Variants in PHC2 observed in about 807,000 individuals in gnomAD.
PHC2 encodes polyhomeotic homolog 2.
In PHC2, 29 loss-of-function variants were observed where a neutral mutation model predicts 87.4. The observed-to-expected ratio is 0.33, with a 90% CI of 0.25 to 0.45. PHC2 has a LOEUF of 0.45. Ranked by LOEUF, PHC2 falls within the 20% of genes least tolerant of loss-of-function variation. The pLI, the probability that PHC2 is intolerant of heterozygous loss-of-function variation, is 1.00. For missense variants in PHC2, 857 were observed against 1,136.7 expected, an observed-to-expected ratio of 0.75 and a Z score of 3.54; for synonymous variants, 438 against 461.7, an observed-to-expected ratio of 0.95 and a Z score of 0.66.
At chr1:33,325,059 C>A in intron 14 of PHC2, 40 bp from the exon 15 acceptor site, 1 of 1,558,308 alleles carries the variant, frequency 6.4e-7, no homozygotes. Context: ...ATCCAAGCCG[C>A]CAGTGTTCAC....
At chr1:33,415,613 A>G (rs1334720809) in intron 1 of PHC2, among the ~76,000 whole-genome samples, 2 of 152,256 alleles carry the variant, frequency 1.3e-5, no homozygotes, top group East Asian at 1.9e-4. Flanking sequence ...AGTCCCCCAT[A>G]AAAAATTACC....
At chr1:33,327,097 G>A (rs34874995) in intron 14 of PHC2, among the ~76,000 whole-genome samples, 1 of 152,104 alleles carries the variant, frequency 6.6e-6, no homozygotes, top group African/African-American at 2.4e-5. Flanking sequence ...TCACTCCCAG[G>A]CTTTGAGTCC....
chr1:33,345,661 T>C (rs1646832093), intron 9 of PHC2: 1 of 984,720 alleles, frequency 1.0e-6, no homozygotes, highest in African/African-American at 1.7e-5. Context: ...TTGACTATGA[T>C]AAAAGAGCCC....
rs182041956 is a variant in PHC2 at position 33,384,017 on chromosome 1, G to A, written c.-54-8424C>T. 2.0e-5 allele frequency among the ~76,000 whole-genome samples: 3 copies of A among 152,198 alleles called. No homozygotes were observed. The East Asian group carries it at 5.8e-4, about 29-fold the overall frequency. On this transcript the variant is annotated intron_variant, in intron 1 of 14. Coordinates refer to ENST00000683057, the MANE Select transcript of PHC2 (RefSeq NM_001385109.1). Reference sequence around the variant, plus strand: ...CCAGTTTGTGGTAATTTGTTAAGGCGGCCTTAGGGAACTATTATGCTGCCT... The same window carrying A: ...CCAGTTTGTGGTAATTTGTTAAGGCAGCCTTAGGGAACTATTATGCTGCCT...
At chr1:33,412,688 C>T (rs1650033033) in intron 1 of PHC2, among the ~76,000 whole-genome samples, 1 of 152,210 alleles carries the variant, frequency 6.6e-6, no homozygotes, top group South Asian at 2.1e-4. Context: ...GTGGCAAATT[C>T]TCAAGTTCGG....
chr1:33,370,590 T>C lies in PHC2; in HGVS notation c.412-5A>G, dbSNP rs2148325096. On this transcript the variant is annotated splice_polypyrimidine_tract_variant and splice_region_variant and intron_variant, in intron 4 of 14. Transcript: ENST00000683057. ...TGGGGAGGCTGCCAGGTTGATCTAA[T>C]GAGAGAGACATGTGCGGTAGGAGAT... 6.2e-7 allele frequency: 1 copy of C among 1,610,884 alleles called. No individual in the cohort carries two copies. The highest frequency in any genetic ancestry group is 1.7e-4 in the Middle Eastern group (1 of 6,046).
At chr1:33,381,055 C>T (rs1414010157) in intron 1 of PHC2, among the ~76,000 whole-genome samples, 1 of 152,156 alleles carries the variant, frequency 6.6e-6, no homozygotes, top group Non-Finnish European at 1.5e-5. Context: ...ATCTTCAAAA[C>T]AACTTGAGTC....
chr1:33,419,311 A>T (rs921549134), intron 1 of PHC2, among the ~76,000 whole-genome samples: 5 of 152,198 alleles, frequency 3.3e-5, no homozygotes, highest in Non-Finnish European at 7.3e-5. Flanking sequence ...CTGCCATAAA[A>T]ACGATGACAA....
rs11554674 is a variant in PHC2, at chr1:33,324,895, G to A, written c.2550C>T (p.Tyr850=). 0.23 allele frequency: 366,012 copies of A among 1,613,406 alleles called. 43,816 individuals are homozygous for A. The highest frequency in any genetic ancestry group is 0.27 in the South Asian group (24,784 of 90,956). ...AGTCCTTGAGCATGCTGATGCGGGC[G>A]TAGATCTTCAGGGCGGGCCCCAGCT... The part of the protein sequence containing the change: ...NIKLGPALKI[Y]ARISMLKDS Residue 850 remains tyrosine (Y), a synonymous_variant, in exon 15 of 15, where the codon TAC becomes TAT. Coordinates refer to ENST00000683057, the MANE Select transcript of PHC2 (RefSeq NM_001385109.1).
At chr1:33,371,997 G>T (rs982615950) in intron 3 of PHC2, among the ~76,000 whole-genome samples, 2 of 152,250 alleles carry the variant, frequency 1.3e-5, no homozygotes, top group Non-Finnish European at 2.9e-5. Flanking sequence ...CGCTTCCCTG[G>T]AACCCACAGT....
Position 33,367,153 on chromosome 1 carries a change from C to T in PHC2, c.939G>A (p.Thr313=), listed in dbSNP as rs776288305. The change falls in exon 7 of 15, where the codon ACG becomes ACA. Residue 313 remains threonine, a synonymous_variant. Transcript: ENST00000683057. ...SMEGRAGLSR[T]VPAVAAHPLI... is the part of the protein sequence containing the mutation. ...GGGGGTGGGCAGCCACAGCAGGAAC[C>T]GTCCGGCTGAGCCCAGCCCGGCCTT... 5.0e-6 allele frequency: 8 copies of T among 1,613,016 alleles called. No homozygotes were observed. The highest frequency in any genetic ancestry group is 1.1e-5 in the South Asian group (1 of 90,992).
chr1:33,396,864 C>T (rs115472102), intron 1 of PHC2, among the ~76,000 whole-genome samples: 1,807 of 152,306 alleles, frequency 0.012, 15 homozygotes, highest in Non-Finnish European at 0.02. Context: ...CGGACAGCAG[C>T]GTCCTCCTCC....
At chr1:33,411,350 G>A (rs1220706670) in intron 1 of PHC2, among the ~76,000 whole-genome samples, 2 of 151,888 alleles carry the variant, frequency 1.3e-5, no homozygotes, top group Non-Finnish European at 2.9e-5. Context: ...TCTTTAAATT[G>A]AGAGACAACT....
At chr1:33,401,066 T>A (rs1649503405) in intron 1 of PHC2, among the ~76,000 whole-genome samples, 1 of 152,178 alleles carries the variant, frequency 6.6e-6, no homozygotes, top group South Asian at 2.1e-4. Flanking sequence ...GTGGCTCACG[T>A]CTGTAATCCT....
chr1:33,404,780 A>G (rs1394903143), intron 1 of PHC2, among the ~76,000 whole-genome samples: 1 of 152,226 alleles, frequency 6.6e-6, no homozygotes, highest in Non-Finnish European at 1.5e-5. Context: ...GAGCTAATTA[A>G]GGAATTAAAA....
intron 1 of PHC2, among the ~76,000 whole-genome samples, chr1:33,427,379 T>C (rs1339077475): frequency 6.6e-6 from 1 of 152,178 alleles, no homozygotes; most frequent in Non-Finnish European, 1.5e-5. Context: ...GAATAATATT[T>C]TAGGTCAACG....
rs1265789906 is a variant in PHC2, at chr1:33,382,042, C to T, written c.-54-6449G>A. Among the ~76,000 whole-genome samples the T allele has an allele frequency of 6.6e-6, 1 of 152,056 alleles. No individual in the cohort carries two copies. Among genetic ancestry groups the T allele is most frequent in the Non-Finnish European group, 1.5e-5 (1 of 68,014 alleles). On this transcript the variant is annotated intron_variant, in intron 1 of 14. Coordinates refer to ENST00000683057, the MANE Select transcript of PHC2 (RefSeq NM_001385109.1). The surrounding 1 kb of genome is among the most constrained non-coding windows in gnomAD (Gnocchi z 4.3). ...TTATCAACGAGAGAGGTGAAGTTTG[C>T]CCTGCAGAGAAACCAGAAGCTAGGG...
intron 1 of PHC2, among the ~76,000 whole-genome samples, chr1:33,426,739 A>G (rs1650688045): frequency 1.3e-5 from 2 of 152,172 alleles, no homozygotes; most frequent in African/African-American, 4.8e-5. Flanking sequence ...GTGCAGCATG[A>G]CATAGCAAGG....
chr1:33,397,826 C>T (rs775034118), intron 1 of PHC2, among the ~76,000 whole-genome samples: 2 of 152,182 alleles, frequency 1.3e-5, no homozygotes, highest in Non-Finnish European at 2.9e-5. Context: ...TTGATGACCT[C>T]TGCAAATGCT....
Sources: gnomAD v4.1 joint callset for allele counts (sites outside exome capture counted in the v4.1 genomes callset) on GRCh38, gnomAD v4.1.1 for gene constraint, Gnocchi (gnomAD v3.1) non-coding constraint, MANE v1.5 for transcripts, NCBI Gene and HGNC (gene_info 2026-07-23, HGNC 2026-07-21) for gene names.